The following CRTC1 variants were observed in gnomAD, a reference collection of about 807,000 sequenced individuals.
The protein encoded by CRTC1 is CREB-regulated transcription coactivator 1.
CRTC1 carries 18 observed loss-of-function variants against 66.1 expected under a neutral mutation model. The ratio of observed to expected loss-of-function variants is 0.27; its 90% CI spans 0.19 to 0.40. The LOEUF (loss-of-function observed/expected upper bound fraction) is 0.40, where lower values mean the gene tolerates loss of function less well. Ranked by LOEUF, CRTC1 falls within the 10% of genes least tolerant of loss-of-function variation. The pLI is 1.00. For missense variants in CRTC1, 669 were observed against 887.9 expected, an observed-to-expected ratio of 0.75 and a Z score of 3.13; for synonymous variants, 416 against 398.8, an observed-to-expected ratio of 1.04 and a Z score of -0.51.
intron 1 of CRTC1, among the ~76,000 whole-genome samples, chr19:18,716,762 T>C (rs759666260): frequency 1.3e-5 from 2 of 152,154 alleles, no homozygotes; most frequent in African/African-American, 2.4e-5. Context: ...CAGGGTTAAC[T>C]TGAGACCCCA....
In CRTC1 at chr19:18,780,178, C is replaced by A; in HGVS notation, c.*2796C>A. 4.3e-6 allele frequency: 1 copy of A among 231,836 alleles called. No individual in the cohort carries two copies. Among genetic ancestry groups the A allele is most frequent in the Non-Finnish European group, 8.5e-6 (1 of 117,200 alleles). The allele number at this position is 231,836 out of a possible 1,614,324, so 14.4% of individuals were successfully genotyped here. A position where few individuals can be genotyped will look rare whatever the true frequency, so the allele number is the denominator to read the frequency against. On this transcript the variant is annotated 3_prime_UTR_variant, in exon 14 of 14. Coordinates refer to ENST00000321949, the MANE Select transcript of CRTC1 (RefSeq NM_015321.3). ...TGTACATAGACCCGCCGTCTGTGTC[C>A]TTGGTCAGGCCCGGATGCTTGGTCT...
chr19:18,708,246 G>A (rs986547451), intron 1 of CRTC1, among the ~76,000 whole-genome samples: 5 of 152,160 alleles, frequency 3.3e-5, no homozygotes, highest in Admixed American at 2.0e-4. Context: ...GAGCTTGGAC[G>A]TGATCCCACA....
chr19:18,691,814 A>G (rs1227218428), intron 1 of CRTC1, among the ~76,000 whole-genome samples: 4 of 151,948 alleles, frequency 2.6e-5, no homozygotes, highest in Non-Finnish European at 4.4e-5. Context: ...CCCGTGTTCA[A>G]GCGATCCTCC....
At chr19:18,709,956 G>C (rs987017880) in intron 1 of CRTC1, among the ~76,000 whole-genome samples, 3 of 152,126 alleles carry the variant, frequency 2.0e-5, no homozygotes, top group African/African-American at 7.2e-5. Context: ...GCGGCTTCTC[G>C]TCCCACCCAG....
rs966130749 is a variant in CRTC1, at chr19:18,768,150, T to C, written c.1012-335T>C. 6.6e-6 allele frequency among the ~76,000 whole-genome samples: 1 copy of C among 152,202 alleles called. No homozygotes were observed. Among genetic ancestry groups the C allele is most frequent in the African/African-American group, 2.4e-5 (1 of 41,452 alleles). ...CGCAGCACCCACAGGGGCTGGGAGC[T>C]GGCTGCTCACTGAGCCACCAGGGAT... is the stretch of plus-strand genomic sequence containing the variant. On this transcript the variant is annotated intron_variant, in intron 9 of 13. Transcript: ENST00000321949. This position sits in a 1 kb window ranked among gnomAD's most constrained non-coding sequence, Gnocchi z 5.6.
chr19:18,756,324 A>C (rs2054485038), intron 6 of CRTC1, among the ~76,000 whole-genome samples: 1 of 113,774 alleles, frequency 8.8e-6, no homozygotes. Flanking sequence ...CAAGAGCGAA[A>C]ACTCCATCTC....
intron 1 of CRTC1, among the ~76,000 whole-genome samples, chr19:18,729,286 C>T (rs1274846625): frequency 4.6e-5 from 7 of 151,068 alleles, no homozygotes; most frequent in Non-Finnish European, 7.4e-5. Flanking sequence ...ATTAGCCGGG[C>T]GTGGCGGCGG....
At chr19:18,702,115 G>A (rs952383560) in intron 1 of CRTC1, among the ~76,000 whole-genome samples, 1 of 151,642 alleles carries the variant, frequency 6.6e-6, no homozygotes, top group Non-Finnish European at 1.5e-5. Flanking sequence ...TAGAGATGGG[G>A]TTTCTCCATG....
chr19:18,690,591 C>G (rs1210967206), intron 1 of CRTC1, among the ~76,000 whole-genome samples: 1 of 152,196 alleles, frequency 6.6e-6, no homozygotes, highest in African/African-American at 2.4e-5. Context: ...TAAAAAGCAT[C>G]TGCTCACCTT....
chr19:18,711,335 CT>C (rs950351882), intron 1 of CRTC1, among the ~76,000 whole-genome samples: 1 of 151,990 alleles, frequency 6.6e-6, no homozygotes, highest in African/African-American at 2.4e-5. Flanking sequence ...CCCGGGGCCG[CT>C]TTGAAGGGGA....
intron 1 of CRTC1, among the ~76,000 whole-genome samples, chr19:18,719,677 G>A (rs1049499661): frequency 4.6e-5 from 7 of 152,186 alleles, no homozygotes; most frequent in Admixed American, 6.5e-5. Context: ...GGCAGATGCC[G>A]TTTTCAAAAA....
intron 1 of CRTC1, among the ~76,000 whole-genome samples, chr19:18,726,497 T>G (rs1167988982): frequency 1.6e-4 from 24 of 152,170 alleles, no homozygotes; most frequent in Non-Finnish European, 1.5e-5. Context: ...TTGAACAGTG[T>G]CCCCTCAAAA....
intron 1 of CRTC1, among the ~76,000 whole-genome samples, chr19:18,690,443 T>C (rs960627208): frequency 6.6e-5 from 10 of 152,138 alleles, no homozygotes; most frequent in African/African-American, 2.4e-4. Context: ...CAGGACTCCC[T>C]GAGCTGCTCC....
intron 1 of CRTC1, among the ~76,000 whole-genome samples, chr19:18,703,131 TG>T (rs781724886): frequency 7.9e-5 from 12 of 151,868 alleles, no homozygotes; most frequent in Non-Finnish European, 1.6e-4. Flanking sequence ...TACAGGCGCC[TG>T]CCACCACGCC....
intron 13 of CRTC1, among the ~76,000 whole-genome samples, chr19:18,776,698 A>C (rs2054997029): frequency 6.6e-6 from 1 of 152,216 alleles, no homozygotes; most frequent in Non-Finnish European, 1.5e-5. Context: ...TCAGACCTGG[A>C]ACCTGAGTGT....
At chr19:18,756,382 C>T (rs1344847030) in intron 6 of CRTC1, among the ~76,000 whole-genome samples, 2 of 147,982 alleles carry the variant, frequency 1.4e-5, no homozygotes, top group Non-Finnish European at 3.0e-5. Flanking sequence ...CACAGTGGCT[C>T]GTGCCTGTAA....
At chr19:18,775,549 C>T (rs1001542705) in intron 12 of CRTC1, 92 bp from the exon 13 acceptor site, 31 of 1,165,198 alleles carry the variant, frequency 2.7e-5, no homozygotes, top group Non-Finnish European at 2.9e-5. Flanking sequence ...TCCCCAGCTG[C>T]GGGCAGGACA....
intron 1 of CRTC1, among the ~76,000 whole-genome samples, chr19:18,711,231 G>A (rs1334312583): frequency 6.6e-6 from 1 of 152,184 alleles, no homozygotes; most frequent in Admixed American, 6.5e-5. Context: ...TTGGGAGTCG[G>A]GGAGCCATCC....
At chr19:18,716,284 G>A (rs2053505960) in intron 1 of CRTC1, among the ~76,000 whole-genome samples, 1 of 150,576 alleles carries the variant, frequency 6.6e-6, no homozygotes, top group African/African-American at 2.5e-5. Flanking sequence ...ACGCAATCTT[G>A]CTCTGTCACC....
Sources: allele counts gnomAD v4.1 joint callset (sites outside exome capture counted in the v4.1 genomes callset), GRCh38; gene constraint gnomAD v4.1.1; non-coding constraint Gnocchi (gnomAD v3.1); transcripts MANE v1.5; gene names NCBI Gene and HGNC (gene_info 2026-07-23, HGNC 2026-07-21).